MTUS2: variants seen among roughly 807,000 people sequenced by gnomAD.
MTUS2 encodes microtubule-associated tumor suppressor candidate 2.
Under a neutral mutation model 114.1 loss-of-function variants are expected in MTUS2, and 40 were observed. The ratio of observed to expected loss-of-function variants is 0.35; its 90% CI spans 0.27 to 0.46. The LOEUF (loss-of-function observed/expected upper bound fraction) is 0.46, where lower values mean the gene tolerates loss of function less well. MTUS2 is among the 20% of genes least tolerant of loss of function. The pLI is 1.00. For missense variants in MTUS2, 1,679 were observed against 1,705.4 expected (o/e 0.98, Z 0.27); for synonymous variants, 688 against 672.0 (o/e 1.02, Z -0.37).
At chr13:29,279,213 G>T (rs1055585460) in intron 5 of MTUS2, among the ~76,000 whole-genome samples, 1 of 152,170 alleles carries the variant, frequency 6.6e-6, no homozygotes, top group African/African-American at 2.4e-5. Context: ...AGGTAGAGGA[G>T]GTGGTATTCA....
intron 2 of MTUS2, among the ~76,000 whole-genome samples, chr13:29,004,525 A>G (rs1885523143): frequency 6.6e-6 from 1 of 152,254 alleles, no homozygotes; most frequent in Non-Finnish European, 1.5e-5. Context: ...TACCTTGACA[A>G]CAAAGCAGGC....
At chr13:29,030,874 A>G (rs910329721) in intron 3 of MTUS2, among the ~76,000 whole-genome samples, 1 of 152,098 alleles carries the variant, frequency 6.6e-6, no homozygotes, top group African/African-American at 2.4e-5. Flanking sequence ...CTGAGAGAGG[A>G]ACTCTTTTCC....
chr13:29,059,463 C>T (rs554917092), intron 4 of MTUS2, among the ~76,000 whole-genome samples: 4 of 152,260 alleles, frequency 2.6e-5, no homozygotes, highest in Admixed American at 2.6e-4. Flanking sequence ...AATCTACTCT[C>T]TGAGTGCTTC....
At chr13:29,144,064 G>A (rs1892332942) in intron 5 of MTUS2, among the ~76,000 whole-genome samples, 1 of 152,198 alleles carries the variant, frequency 6.6e-6, no homozygotes, top group Non-Finnish European at 1.5e-5. Flanking sequence ...ACAGCAGGGT[G>A]AGTAGGGAAC....
At chr13:29,494,146 C>G (rs1249814023) in intron 12 of MTUS2, among the ~76,000 whole-genome samples, 3 of 152,342 alleles carry the variant, frequency 2.0e-5, no homozygotes, top group African/African-American at 7.2e-5. Context: ...ATGACAGTAT[C>G]TTTCTCAAGG....
intron 5 of MTUS2, among the ~76,000 whole-genome samples, chr13:29,134,895 T>G (rs1179542336): frequency 6.6e-6 from 1 of 152,214 alleles, no homozygotes; most frequent in Admixed American, 6.5e-5. Flanking sequence ...CAACACTTTT[T>G]ATTAATATAT....
chr13:29,093,326 C>A (rs546236214), intron 4 of MTUS2, among the ~76,000 whole-genome samples: 14 of 152,124 alleles, frequency 9.2e-5, no homozygotes, highest in African/African-American at 3.1e-4. Flanking sequence ...GCCTGTAATC[C>A]CAGCTATTCG....
chr13:28,886,183 T>C (rs1362456095), intron 2 of MTUS2, among the ~76,000 whole-genome samples: 2 of 152,114 alleles, frequency 1.3e-5, no homozygotes, highest in Non-Finnish European at 2.9e-5. Flanking sequence ...TGTAGGCCAT[T>C]GTTAGGACTT....
At chr13:29,171,127 AGT>A (rs1250115935) in intron 5 of MTUS2, among the ~76,000 whole-genome samples, 10 of 130,426 alleles carry the variant, frequency 7.7e-5, no homozygotes, top group African/African-American at 2.9e-4. Context: ...TTGGTGAGTG[AGT>A]GAGAGAGAGA....
intron 8 of MTUS2, among the ~76,000 whole-genome samples, chr13:29,387,106 C>G (rs1280756400): frequency 6.6e-6 from 1 of 152,284 alleles, no homozygotes; most frequent in East Asian, 1.9e-4. Context: ...AGCTCCTGCC[C>G]TGACTGAGTT....
chr13:29,406,751 A>C (rs1874785091), intron 8 of MTUS2, among the ~76,000 whole-genome samples: 1 of 152,232 alleles, frequency 6.6e-6, no homozygotes, highest in Admixed American at 6.5e-5. Context: ...TTACCAGATA[A>C]ATATTGGATA....
intron 2 of MTUS2, among the ~76,000 whole-genome samples, chr13:28,890,198 G>T (rs1309024463): frequency 6.6e-6 from 1 of 152,134 alleles, no homozygotes; most frequent in Non-Finnish European, 1.5e-5. Context: ...GCTCGGAAGG[G>T]ACCTTACTGA....
At chr13:28,998,467 A>G (rs147453864) in intron 2 of MTUS2, among the ~76,000 whole-genome samples, 2,692 of 152,296 alleles carry the variant, frequency 0.018, 82 homozygotes, top group African/African-American at 0.061. Context: ...GTTCTCCTGG[A>G]TAATGTCGTG....
In MTUS2 at chr13:29,496,530, T is replaced by C. The variant is rs1882564339; in HGVS notation, c.3580-708T>C. The C allele has an allele frequency of 6.5e-6, 1 of 152,712 alleles. No homozygotes were observed. The highest frequency in any genetic ancestry group is 1.5e-5 in the Non-Finnish European group (1 of 68,292). The allele number at this position is 152,712 out of a possible 1,614,324, so 9.5% of individuals were successfully genotyped here. A position where few individuals can be genotyped will look rare whatever the true frequency, so the allele number is the denominator to read the frequency against. On this transcript the variant is annotated intron_variant, in intron 12 of 15. Transcript: ENST00000612955. The surrounding 1 kb of genome is among the most constrained non-coding windows in gnomAD (Gnocchi z 4.3). ...TGGGAGGATGCTGTGTTAGGGAGTG[T>C]GCACTGCACCTTGAGGGCAGTGGAG...
At chr13:29,317,432 CTT>C (rs552766235) in intron 6 of MTUS2, among the ~76,000 whole-genome samples, 2 of 51,662 alleles carry the variant, frequency 3.9e-5, no homozygotes, top group Admixed American at 2.4e-4. Context: ...CTCTCTCTCT[CTT>C]TTTTTTTTTT....
At chr13:28,997,565 T>C (rs1423735816) in intron 2 of MTUS2, among the ~76,000 whole-genome samples, 2 of 152,198 alleles carry the variant, frequency 1.3e-5, no homozygotes, top group Non-Finnish European at 2.9e-5. Context: ...TTTATGAATC[T>C]GGGTGCTCCT....
chr13:29,367,189 C>T (rs1870791829), intron 8 of MTUS2, among the ~76,000 whole-genome samples: 1 of 151,902 alleles, frequency 6.6e-6, no homozygotes, highest in Admixed American at 6.6e-5. Flanking sequence ...GGTAGGGGCG[C>T]CTTGAGAGAG....
chr13:29,183,924 C>T (rs1392669679), intron 5 of MTUS2, among the ~76,000 whole-genome samples: 1 of 151,994 alleles, frequency 6.6e-6, no homozygotes, highest in Non-Finnish European at 1.5e-5. Context: ...TCTTTCTTCC[C>T]CCGTAGTTTG....
At chr13:29,466,585 A>AC in intron 9 of MTUS2, among the ~76,000 whole-genome samples, 1 of 152,330 alleles carries the variant, frequency 6.6e-6, no homozygotes, top group East Asian at 1.9e-4. Context: ...ATAAAGAAAG[A>AC]CAATCATACG....
Sources: allele counts gnomAD v4.1 joint callset (sites outside exome capture counted in the v4.1 genomes callset), GRCh38; gene constraint gnomAD v4.1.1; non-coding constraint Gnocchi (gnomAD v3.1); transcripts MANE v1.5; gene names NCBI Gene and HGNC (gene_info 2026-07-23, HGNC 2026-07-21).